ZNF438: variants seen among roughly 807,000 people sequenced by gnomAD.
The protein encoded by ZNF438 is zinc finger protein 438.
ZNF438 carries 25 observed loss-of-function variants against 38.0 expected under a neutral mutation model. That is an observed-to-expected ratio of 0.66 (90% CI 0.48 to 0.92). The LOEUF (loss-of-function observed/expected upper bound fraction) is 0.92, where lower values mean the gene tolerates loss of function less well. Ranked by LOEUF, ZNF438 falls within the 40% of genes least tolerant of loss-of-function variation. The pLI is 0.00. For missense variants in ZNF438, 1,007 were observed against 999.6 expected (o/e 1.01, Z -0.10); for synonymous variants, 372 against 364.1 (o/e 1.02, Z -0.25).
intron 2 of ZNF438, among the ~76,000 whole-genome samples, chr10:30,917,489 T>C (rs1003154434): frequency 6.6e-6 from 1 of 152,156 alleles, no homozygotes; most frequent in African/African-American, 2.4e-5. Flanking sequence ...CTAGATCCTA[T>C]CTGATTTTAG....
At chr10:30,965,642 G>A (rs2050029574) in intron 1 of ZNF438, among the ~76,000 whole-genome samples, 1 of 152,180 alleles carries the variant, frequency 6.6e-6, no homozygotes, top group South Asian at 2.1e-4. Context: ...TATCCTAAGT[G>A]AATTAACTTA....
chr10:30,846,673 C>A (rs538995739), intron 5 of ZNF438, among the ~76,000 whole-genome samples: 1 of 152,312 alleles, frequency 6.6e-6, no homozygotes, highest in Admixed American at 6.5e-5. Context: ...AGCTGTGACC[C>A]AGGCACCCCT....
intron 1 of ZNF438, among the ~76,000 whole-genome samples, chr10:30,942,710 T>C (rs1404350880): frequency 6.6e-6 from 1 of 151,590 alleles, no homozygotes; most frequent in Admixed American, 6.6e-5. Flanking sequence ...TGTCCTAGAA[T>C]TTCGTATCTC....
At chr10:30,859,837 A>T (rs1203820751) in intron 4 of ZNF438, among the ~76,000 whole-genome samples, 3 of 152,260 alleles carry the variant, frequency 2.0e-5, no homozygotes, top group African/African-American at 7.2e-5. Flanking sequence ...AATGATCAGC[A>T]TATGGAAGTA....
intron 3 of ZNF438, among the ~76,000 whole-genome samples, chr10:30,889,162 A>AT (rs1378072966): frequency 2.0e-5 from 3 of 152,214 alleles, no homozygotes; most frequent in Non-Finnish European, 4.4e-5. Flanking sequence ...CTCAACTGTA[A>AT]TGCTTATTCT....
intron 2 of ZNF438, among the ~76,000 whole-genome samples, chr10:30,927,164 C>T (rs1177987196): frequency 2.0e-5 from 3 of 152,162 alleles, no homozygotes; most frequent in Non-Finnish European, 2.9e-5. Context: ...CACAGTCACT[C>T]CAATGCTAGC....
intron 4 of ZNF438, among the ~76,000 whole-genome samples, chr10:30,876,636 T>A (rs972761369): frequency 6.6e-5 from 10 of 152,218 alleles, no homozygotes; most frequent in African/African-American, 2.4e-4. Context: ...CATATATTCT[T>A]CTACTCACTA....
intron 2 of ZNF438, among the ~76,000 whole-genome samples, chr10:30,929,935 C>A (rs2045439022): frequency 6.6e-6 from 1 of 152,230 alleles, no homozygotes; most frequent in Admixed American, 6.5e-5. Flanking sequence ...GGTGCATTTA[C>A]AATCCTCCAG....
intron 3 of ZNF438, among the ~76,000 whole-genome samples, chr10:30,901,720 C>CT (rs1458952404): frequency 6.8e-6 from 1 of 147,278 alleles, no homozygotes; most frequent in Non-Finnish European, 1.5e-5. Flanking sequence ...TCGTGGTCGC[C>CT]AAAATGTGTC....
At chr10:30,924,900 T>G (rs1173465269) in intron 2 of ZNF438, among the ~76,000 whole-genome samples, 1 of 152,206 alleles carries the variant, frequency 6.6e-6, no homozygotes, top group Non-Finnish European at 1.5e-5. Flanking sequence ...AGTATATAAA[T>G]GTTAATTTCT....
intron 1 of ZNF438, among the ~76,000 whole-genome samples, chr10:30,995,393 C>G (rs781535702): frequency 2.0e-5 from 3 of 152,172 alleles, no homozygotes; most frequent in African/African-American, 4.8e-5. Flanking sequence ...AATTATGACT[C>G]TAATATCCAG....
chr10:30,853,663 T>A (rs2034100395), intron 4 of ZNF438, among the ~76,000 whole-genome samples: 1 of 152,210 alleles, frequency 6.6e-6, no homozygotes, highest in South Asian at 2.1e-4. Flanking sequence ...CATTGTGAAC[T>A]CCCTGCTCCC....
chr10:30,903,314 C>T (rs2934636), intron 3 of ZNF438, among the ~76,000 whole-genome samples: 53,233 of 152,120 alleles, frequency 0.35, 10,863 homozygotes, highest in African/African-American at 0.56. Flanking sequence ...GAGGAGGCAC[C>T]GAGAGCGAGT....
intron 4 of ZNF438, among the ~76,000 whole-genome samples, chr10:30,864,493 C>A (rs1010474227): frequency 1.3e-5 from 2 of 152,166 alleles, no homozygotes; most frequent in Admixed American, 1.3e-4. Flanking sequence ...GAGGTACTTA[C>A]CTTCACGATG....
chr10:30,984,134 T>G (rs1003725837), intron 1 of ZNF438, among the ~76,000 whole-genome samples: 1 of 152,194 alleles, frequency 6.6e-6, no homozygotes. Context: ...ATATCTTCAT[T>G]GTAATTATTA....
intron 1 of ZNF438, among the ~76,000 whole-genome samples, chr10:31,014,305 A>G (rs2055994863): frequency 1.3e-5 from 2 of 152,222 alleles, no homozygotes; most frequent in Non-Finnish European, 2.9e-5. Flanking sequence ...ACAGCTCTGT[A>G]GGCTGAGAAG....
chr10:30,857,156 G>GC (rs2034784409), intron 4 of ZNF438, among the ~76,000 whole-genome samples: 1 of 151,728 alleles, frequency 6.6e-6, no homozygotes, highest in African/African-American at 2.4e-5. Flanking sequence ...GGGATTATAT[G>GC]TAAAGTTGTC....
chr10:31,023,150 T>C (rs2797908), intron 1 of ZNF438, among the ~76,000 whole-genome samples: 116,874 of 152,150 alleles, frequency 0.77, 45,851 homozygotes, highest in African/African-American at 0.9. Context: ...AAAATATATG[T>C]AATATAATCA....
chr10:30,998,391 A>T (rs1264443736), intron 1 of ZNF438, among the ~76,000 whole-genome samples: 1 of 127,490 alleles, frequency 7.8e-6, no homozygotes, highest in African/African-American at 2.6e-5. Flanking sequence ...AAAATACAAA[A>T]AATTAGCCGG....
Sources: allele counts gnomAD v4.1 joint callset (sites outside exome capture counted in the v4.1 genomes callset), GRCh38; gene constraint gnomAD v4.1.1; transcripts MANE v1.5; gene names NCBI Gene and HGNC (gene_info 2026-07-23, HGNC 2026-07-21).